Variants in LRRIQ1 observed in about 807,000 individuals in gnomAD.
The protein encoded by LRRIQ1 is leucine-rich repeat- and IQ domain-containing protein 1.
Under a neutral mutation model 211.9 loss-of-function variants are expected in LRRIQ1, and 210 were observed. That is an observed-to-expected ratio of 0.99 (90% CI 0.89 to 1.11). The LOEUF is 1.11. LRRIQ1 is among the 50% of genes most tolerant of loss of function. LRRIQ1 has a pLI of 0.00. For synonymous variants in LRRIQ1, 699 were observed against 650.1 expected, an observed-to-expected ratio of 1.08 and a Z score of -1.14; for missense variants, 2,136 against 1,939.5, an observed-to-expected ratio of 1.10 and a Z score of -1.90.
chr12:85,096,332 C>G (rs1302856596), intron 11 of LRRIQ1, among the ~76,000 whole-genome samples: 1 of 152,108 alleles, frequency 6.6e-6, no homozygotes, highest in Non-Finnish European at 1.5e-5. Context: ...ACTGTTGTAG[C>G]TGTTTCCCAG....
intron 24 of LRRIQ1, among the ~76,000 whole-genome samples, chr12:85,210,939 G>A (rs777849830): frequency 3.9e-5 from 6 of 152,174 alleles, no homozygotes; most frequent in African/African-American, 7.2e-5. Flanking sequence ...ACTCCCTAAG[G>A]TTGGGATTTC....
At chr12:85,069,285 G>A (rs1592733796) in intron 10 of LRRIQ1, among the ~76,000 whole-genome samples, 2 of 151,986 alleles carry the variant, frequency 1.3e-5, no homozygotes, top group Non-Finnish European at 2.9e-5. Context: ...ATTTTTTATG[G>A]CTGCATAGTA....
intron 24 of LRRIQ1, among the ~76,000 whole-genome samples, chr12:85,184,082 C>T (rs1892115117): frequency 6.6e-6 from 1 of 151,944 alleles, no homozygotes; most frequent in African/African-American, 2.4e-5. Flanking sequence ...AAGGTTGTGA[C>T]CCAGGTCTTA....
At chr12:85,245,697 T>C (rs1180121685), downstream of LRRIQ1, among the ~76,000 whole-genome samples, 1 of 151,014 alleles carries the variant, frequency 6.6e-6, no homozygotes, top group Non-Finnish European at 1.5e-5. Flanking sequence ...GAGTTTGAGA[T>C]CTCTTCTAAA....
chr12:85,137,916 G>A lies in LRRIQ1; in HGVS notation c.4276G>A (p.Glu1426Lys). The A allele has an allele frequency of 6.5e-7, 1 of 1,549,336 alleles. No individual in the cohort carries two copies. Among genetic ancestry groups the A allele is most frequent in the Admixed American group, 1.7e-5 (1 of 58,098 alleles). ...AGCTCTAGAGGCTATTAAGAATGAA[G>A]AATCCGATGAAGAATACAGAGAAAT... ...TTALEAIKNE[E>K]SDEEYREIDL... Residue 1426 changes from glutamate (E) to lysine (K), a missense_variant, in exon 19 of 27, where the codon GAA (glutamate) becomes AAA (lysine). Physicochemically the swap from Glu to Lys is moderately conservative, Grantham distance 56. Coordinates refer to ENST00000393217, the MANE Select transcript of LRRIQ1 (RefSeq NM_001079910.2).
At chr12:85,266,434 A>C (rs1212434000), downstream of LRRIQ1, among the ~76,000 whole-genome samples, 4 of 152,124 alleles carry the variant, frequency 2.6e-5, no homozygotes, top group African/African-American at 9.7e-5. Context: ...GAATCATATG[A>C]TTATGTTTTA....
intron 11 of LRRIQ1, among the ~76,000 whole-genome samples, chr12:85,078,284 C>G (rs1883893580): frequency 6.6e-6 from 1 of 152,002 alleles, no homozygotes. Context: ...TAGTAGCTAT[C>G]TTGTGAAAAT....
intron 19 of LRRIQ1, among the ~76,000 whole-genome samples, chr12:85,150,957 T>A (rs1890202295): frequency 6.6e-6 from 1 of 151,564 alleles, no homozygotes; most frequent in South Asian, 2.1e-4. Context: ...AGTTAACATT[T>A]TTTTTGTGGT....
At chr12:85,152,239 A>T in intron 19 of LRRIQ1, 41 bp from the exon 20 acceptor site, 1 of 1,513,140 alleles carries the variant, frequency 6.6e-7, no homozygotes, top group East Asian at 2.3e-5. Context: ...TGTAAAAGTT[A>T]TGTAAGCTAA....
intron 11 of LRRIQ1, among the ~76,000 whole-genome samples, chr12:85,090,437 C>T (rs572359535): frequency 9.2e-5 from 14 of 152,312 alleles, no homozygotes; most frequent in African/African-American, 3.1e-4. Context: ...ACACTCAACT[C>T]CAGCCCATGA....
chr12:85,046,270 C>T (rs878957502), intron 5 of LRRIQ1, 133 bp downstream of exon 5: 9 of 548,688 alleles, frequency 1.6e-5, no homozygotes, highest in South Asian at 1.5e-4. Context: ...ATTATTGTGC[C>T]TTTGCTATAC....
intron 3 of LRRIQ1, among the ~76,000 whole-genome samples, chr12:85,042,825 G>A (rs1879059215): frequency 6.6e-6 from 1 of 151,854 alleles, no homozygotes; most frequent in Non-Finnish European, 1.5e-5. Flanking sequence ...AACCTATTAA[G>A]GAGCAAAAAT....
rs190972316 is a variant in LRRIQ1 at position 85,158,994 on chromosome 12, A to G, written c.4721-1619A>G. Among the ~76,000 whole-genome samples the G allele has an allele frequency of 5.4e-3, 814 of 152,004 alleles. 6 individuals are homozygous for G. The highest frequency in any genetic ancestry group is 6.1e-3 in the Non-Finnish European group (412 of 67,866). ...GATTTTTTTTCTATCTAAAAGTACTATGTTTCTTACTTCTTATAATTATCC... is the reference window on the plus strand; with the variant it reads ...GATTTTTTTTCTATCTAAAAGTACTGTGTTTCTTACTTCTTATAATTATCC... On this transcript the variant is annotated intron_variant, in intron 23 of 26. Coordinates refer to ENST00000393217, the MANE Select transcript of LRRIQ1 (RefSeq NM_001079910.2).
At chr12:85,202,573 A>C (rs559356541) in intron 24 of LRRIQ1, among the ~76,000 whole-genome samples, 2 of 152,240 alleles carry the variant, frequency 1.3e-5, no homozygotes, top group African/African-American at 4.8e-5. Context: ...CCTGGTTTAA[A>C]GTCTATTTTG....
chr12:85,239,539 G>C (rs186736261), intron 26 of LRRIQ1, among the ~76,000 whole-genome samples: 4 of 142,212 alleles, frequency 2.8e-5, no homozygotes, highest in African/African-American at 9.9e-5. Flanking sequence ...AACAATTCAA[G>C]GGGGGGAAAG....
rs1034856565 is a variant in LRRIQ1 at position 85,123,362 on chromosome 12, C to A, written c.3558-708C>A. Among the ~76,000 whole-genome samples, 5 of 151,618 alleles carry A rather than the reference C, an allele frequency of 3.3e-5. No individual in the cohort carries two copies. The East Asian group carries it at 7.7e-4, about 23-fold the overall frequency. On this transcript the variant is annotated intron_variant, in intron 16 of 26. Transcript: ENST00000393217. ...CCAGAAAATACAAGTTAGAAATAAG[C>A]AAAAATTTTTAGACATGAAATAAAA...
Position 85,224,846 on chromosome 12 carries a change from G to A in LRRIQ1, c.4823-4671G>A, listed in dbSNP as rs745597669. Among the ~76,000 whole-genome samples the A allele has an allele frequency of 2.0e-5, 3 of 151,846 alleles. No homozygotes were observed. In the East Asian group the frequency reaches 5.8e-4, roughly 29 times the overall value. On this transcript the variant is annotated intron_variant, in intron 24 of 26. Coordinates refer to ENST00000393217, the MANE Select transcript of LRRIQ1 (RefSeq NM_001079910.2). ...ACGTGTATAGTTATATAACAAAACT[G>A]CACATTCTGCACATGTATCTCAGAA...
chr12:85,138,018 T>G, intron 19 of LRRIQ1, 49 bp downstream of exon 19: 1 of 1,069,156 alleles, frequency 9.4e-7, no homozygotes. Context: ...ATACATTAAG[T>G]GTACTATTTT....
At chr12:85,119,506 A>T (rs948654224) in intron 15 of LRRIQ1, among the ~76,000 whole-genome samples, 1 of 152,168 alleles carries the variant, frequency 6.6e-6, no homozygotes, top group Non-Finnish European at 1.5e-5. Flanking sequence ...TAAATTTTCA[A>T]TTCATTTGAA....
Sources: allele counts gnomAD v4.1 joint callset (sites outside exome capture counted in the v4.1 genomes callset), GRCh38; gene constraint gnomAD v4.1.1; transcripts MANE v1.5; gene names NCBI Gene and HGNC (gene_info 2026-07-23, HGNC 2026-07-21).